Variants in SUGP1 observed in about 807,000 individuals in gnomAD.
SUGP1 encodes the protein SURP and G-patch domain containing 1, also known as SURP and G-patch domain-containing protein 1.
Under a neutral mutation model 76.5 loss-of-function variants are expected in SUGP1, and 34 were observed. The ratio of observed to expected loss-of-function variants is 0.44; its 90% CI spans 0.34 to 0.59. The LOEUF (loss-of-function observed/expected upper bound fraction) is 0.59, where lower values mean the gene tolerates loss of function less well. Ranked by LOEUF, SUGP1 falls within the 20% of genes least tolerant of loss-of-function variation. The probability of loss-of-function intolerance (pLI) is 0.01; values close to 1 mark genes in which losing one functional copy is unlikely to be tolerated. For synonymous variants in SUGP1, 326 were observed against 326.2 expected (o/e 1.00, Z 0.01); for missense variants, 752 against 851.7 (o/e 0.88, Z 1.46).
At position 19,310,147 on chromosome 19, in the gene SUGP1, C is replaced by A; in HGVS notation, c.260G>T (p.Gly87Val). Residue 87 changes from glycine (G) to valine (V), a missense_variant, in exon 3 of 14, where the codon GGT (glycine) becomes GTT (valine). Physicochemically the swap from Gly to Val is moderately radical, Grantham distance 109 (BLOSUM62 -3). Coordinates refer to ENST00000247001, the MANE Select transcript of SUGP1 (RefSeq NM_172231.4). ...CTTCAGAAACTGCTGCAAGAAGCTACCATCGTTGGCAAACTTGTTGGAAAT... is the reference window on the plus strand; with the variant it reads ...CTTCAGAAACTGCTGCAAGAAGCTAACATCGTTGGCAAACTTGTTGGAAAT... ...SCISNKFANDGSFLQQFLKLQ... is the reference protein window; with the variant it reads ...SCISNKFANDVSFLQQFLKLQ... 1 of 1,613,768 alleles carries A rather than the reference C, an allele frequency of 6.2e-7. No homozygotes were observed. The highest frequency in any genetic ancestry group is 8.5e-7 in the Non-Finnish European group (1 of 1,179,764).
At chr19:19,305,670 C>T (rs1193631501) in intron 4 of SUGP1, 179 bp downstream of exon 4, 3 of 576,928 alleles carry the variant, frequency 5.2e-6, no homozygotes, top group Non-Finnish European at 8.9e-6. Context: ...CCAGCCCCGC[C>T]CCTCACCCTC....
intron 2 of SUGP1, among the ~76,000 whole-genome samples, chr19:19,315,125 G>A (rs1012186482): frequency 6.6e-6 from 1 of 152,020 alleles, no homozygotes; most frequent in Non-Finnish European, 1.5e-5. Flanking sequence ...CTAGGAGTTC[G>A]GGACCAACCT....
chr19:19,295,320 G>A (rs2061216702), intron 8 of SUGP1, among the ~76,000 whole-genome samples: 1 of 151,934 alleles, frequency 6.6e-6, no homozygotes, highest in Non-Finnish European at 1.5e-5. Context: ...AACCTGGGAG[G>A]TGGGCCGGGA....
intron 3 of SUGP1, among the ~76,000 whole-genome samples, chr19:19,308,126 C>G (rs1599867561): frequency 6.6e-6 from 1 of 152,172 alleles, no homozygotes; most frequent in East Asian, 1.9e-4. Flanking sequence ...CCTCCCAGGC[C>G]CAAAAGTGAT....
chr19:19,302,557 A>C, intron 6 of SUGP1, 169 bp from the exon 7 acceptor site: 1 of 981,922 alleles, frequency 1.0e-6, no homozygotes, highest in Non-Finnish European at 1.5e-6. Context: ...AATTCATAAC[A>C]CACCTCAAGC....
intron 7 of SUGP1, 78 bp downstream of exon 7, chr19:19,302,187 T>C (rs2061276884): frequency 6.3e-7 from 1 of 1,581,250 alleles, no homozygotes; most frequent in Non-Finnish European, 8.6e-7. Context: ...GTGGCTGGAC[T>C]ATGCTGATCC....
intron 12 of SUGP1, 38 bp downstream of exon 12, chr19:19,277,696 A>C (rs2061064708): frequency 1.2e-6 from 2 of 1,607,058 alleles, no homozygotes; most frequent in Admixed American, 1.7e-5. Context: ...CACAGACCCC[A>C]AGTTCATGGC....
intron 7 of SUGP1, 43 bp downstream of exon 7, chr19:19,302,222 G>A (rs371875590): frequency 2.2e-5 from 36 of 1,610,600 alleles, no homozygotes; most frequent in Non-Finnish European, 2.9e-5. Context: ...CAGGGGGACT[G>A]TGGCCAGGGT....
At chr19:19,290,372 C>T (rs978786401) in intron 8 of SUGP1, among the ~76,000 whole-genome samples, 3 of 152,132 alleles carry the variant, frequency 2.0e-5, no homozygotes, top group Non-Finnish European at 4.4e-5. Flanking sequence ...AAGTCAGGCA[C>T]GGTGGCTCAC....
intron 7 of SUGP1, 197 bp downstream of exon 7, chr19:19,302,068 A>T: frequency 1.3e-6 from 1 of 767,440 alleles, no homozygotes; most frequent in Non-Finnish European, 2.0e-6. Flanking sequence ...CTCAGAGACT[A>T]CCCAGGGGTG....
intron 8 of SUGP1, chr19:19,280,550 A>C: frequency 2.2e-6 from 1 of 447,214 alleles, no homozygotes; most frequent in Non-Finnish European, 4.1e-6. Context: ...TGTGGACACC[A>C]AGAATCAGAG....
intron 10 of SUGP1, among the ~76,000 whole-genome samples, 171 bp downstream of exon 10, chr19:19,279,042 C>T (rs1182838671): frequency 3.9e-5 from 6 of 152,164 alleles, no homozygotes; most frequent in Non-Finnish European, 8.8e-5. Flanking sequence ...GAAAACTAGG[C>T]CCCAGAGAGA....
At position 19,276,520 on chromosome 19, in the gene SUGP1, T is replaced by C. The variant is rs972512732; in HGVS notation, c.*128A>G. 1.8e-6 allele frequency: 2 copies of C among 1,124,058 alleles called. No homozygotes were observed. The highest frequency in any genetic ancestry group is 2.4e-5 in the East Asian group (1 of 41,596). 69.6% of individuals were successfully genotyped at this position (1,124,058 alleles called of 1,614,324 possible). A position where few individuals can be genotyped will look rare whatever the true frequency, so the allele number is the denominator to read the frequency against. ...AACAGGACCAGGCATCTGTGGTGGA[T>C]GAGCACTGGGACTTTATTACACGGC... On this transcript the variant is annotated 3_prime_UTR_variant, in exon 14 of 14. Coordinates refer to ENST00000247001, the MANE Select transcript of SUGP1 (RefSeq NM_172231.4).
intron 7 of SUGP1, among the ~76,000 whole-genome samples, chr19:19,299,462 T>TA (rs2061254335): frequency 1.3e-5 from 2 of 151,826 alleles, no homozygotes; most frequent in African/African-American, 4.8e-5. Flanking sequence ...AAGCTCCGCC[T>TA]CCCGGGTTCA....
At chr19:19,283,021 G>A (rs553465552) in intron 8 of SUGP1, among the ~76,000 whole-genome samples, 3 of 150,968 alleles carry the variant, frequency 2.0e-5, no homozygotes, top group South Asian at 4.2e-4. Flanking sequence ...AGATTGCAGT[G>A]AGCCAAGATC....
At chr19:19,304,991 G>T (rs894732494) in intron 4 of SUGP1, among the ~76,000 whole-genome samples, 2 of 152,154 alleles carry the variant, frequency 1.3e-5, no homozygotes, top group African/African-American at 4.8e-5. Context: ...GGCTTCAAGG[G>T]CCCCGAGATG....
intron 1 of SUGP1, among the ~76,000 whole-genome samples, chr19:19,319,016 G>A (rs1057421483): frequency 6.6e-6 from 1 of 152,096 alleles, no homozygotes; most frequent in Non-Finnish European, 1.5e-5. Flanking sequence ...TCAGGAGATC[G>A]AGACCAGCCT....
intron 2 of SUGP1, among the ~76,000 whole-genome samples, chr19:19,313,824 G>A (rs1244232351): frequency 6.6e-6 from 1 of 151,948 alleles, no homozygotes; most frequent in East Asian, 1.9e-4. Flanking sequence ...TCAACATAGT[G>A]AAACCCTGTC....
Position 19,320,480 on chromosome 19 carries a change from TC to T in SUGP1, c.16del (p.Asp6ThrfsTer23). 6.2e-7 allele frequency: 1 copy of T among 1,610,310 alleles called. No individual in the cohort carries two copies. The highest frequency in any genetic ancestry group is 8.5e-7 in the Non-Finnish European group (1 of 1,178,652). On this transcript the variant is annotated frameshift_variant, in exon 1 of 14. Transcript: ENST00000247001. LOFTEE classifies it high-confidence loss of function. MSLKM[D>X]NRDVAGKANR... ...GCTGTTACCTGCAACATCCCGGTTG[TC>T]CATCTTGAGACTCATCCAATCCCAC...
Sources: gnomAD v4.1 joint callset for allele counts (sites outside exome capture counted in the v4.1 genomes callset) on GRCh38, gnomAD v4.1.1 for gene constraint, MANE v1.5 for transcripts, NCBI Gene and HGNC (gene_info 2026-07-23, HGNC 2026-07-21) for gene names.